Variants in ABCD2 observed in about 807,000 individuals in gnomAD.
ABCD2 encodes the protein ATP binding cassette subfamily D member 2, also known as ATP-binding cassette sub-family D member 2.
In ABCD2, 36 loss-of-function variants were observed where a neutral mutation model predicts 70.9. The observed-to-expected ratio is 0.51, with a 90% CI of 0.39 to 0.67. The LOEUF is 0.67. Among genes scored for constraint, ABCD2 ranks in the 30% least tolerant of loss-of-function variants. ABCD2 has a pLI of 0.00. For synonymous variants in ABCD2, 304 were observed against 306.9 expected (o/e 0.99, Z 0.10); for missense variants, 729 against 890.2 (o/e 0.82, Z 2.30).
intron 2 of ABCD2, among the ~76,000 whole-genome samples, chr12:39,613,109 G>A (rs1338530801): frequency 2.3e-5 from 2 of 87,698 alleles, no homozygotes; most frequent in African/African-American, 1.7e-4. Flanking sequence ...GTTGTGGGCC[G>A]GGCGCGGTGG....
intron 6 of ABCD2, among the ~76,000 whole-genome samples, chr12:39,593,403 C>T (rs1941772478): frequency 6.6e-6 from 1 of 152,116 alleles, no homozygotes; most frequent in Non-Finnish European, 1.5e-5. Flanking sequence ...CAGGCAAGTA[C>T]CACCATATCC....
At chr12:39,565,180 C>T (rs1941325576) in intron 9 of ABCD2, among the ~76,000 whole-genome samples, 1 of 152,094 alleles carries the variant, frequency 6.6e-6, no homozygotes, top group Non-Finnish European at 1.5e-5. Flanking sequence ...TCATTGGTAG[C>T]TTGATGGGGA....
rs144377791 is a variant in ABCD2 at position 39,609,548 on chromosome 12, GGTT to G, written c.1121-1837_1121-1835del. Among the ~76,000 whole-genome samples, 1,063 of 152,146 alleles carry G rather than the reference GGTT, an allele frequency of 7.0e-3. 14 individuals carry two copies. Among genetic ancestry groups the G allele is most frequent in the African/African-American group, 0.024 (1,006 of 41,494 alleles). ...TTAGTATTCAAAATTACATTCTCCA[GGTT>G]GTTACTTTAATCTTTTCATCAATTT... On this transcript the variant is annotated intron_variant, in intron 2 of 9. Transcript: ENST00000308666.
rs1031561440 is a variant in ABCD2, at chr12:39,553,724, C to T, written c.*188G>A. The T allele has an allele frequency of 1.2e-5, 7 of 572,648 alleles. No individual in the cohort carries two copies. The African/African-American group carries it at 1.3e-4, about 11-fold the overall frequency. 35.5% of individuals were successfully genotyped at this position (572,648 alleles called of 1,614,324 possible). ...ATTAGTATAAGTCATAATGACTGAC[C>T]TTACATAATGCATTTGTTTATTTTC... On this transcript the variant is annotated 3_prime_UTR_variant, in exon 10 of 10. Coordinates refer to ENST00000308666, the MANE Select transcript of ABCD2 (RefSeq NM_005164.4).
intron 9 of ABCD2, among the ~76,000 whole-genome samples, chr12:39,565,593 C>T: frequency 6.6e-6 from 1 of 152,170 alleles, no homozygotes; most frequent in Non-Finnish European, 1.5e-5. Context: ...AACTTGACTT[C>T]CTCTTTTCCT....
In ABCD2 at chr12:39,619,360, T is replaced by A; in HGVS notation, c.256A>T (p.Lys86Ter). 6.2e-7 allele frequency: 1 copy of A among 1,614,106 alleles called. No homozygotes were observed. Among genetic ancestry groups the A allele is most frequent in the Non-Finnish European group, 8.5e-7 (1 of 1,180,034 alleles). The change falls in exon 1 of 10, where the codon AAA becomes TAA. Residue 86 changes from lysine to a stop codon, truncating the protein, a stop_gained. Transcript: ENST00000308666. LOFTEE classifies it high-confidence loss of function. The part of the protein sequence containing the change: ...PSPGVNADFF[K>*]QLLELRKILF... Reference sequence around the variant, plus strand: ...ATTTTCCGAAGTTCTAGTAGCTGTTTGAAGAAATCTGCATTCACTCCAGGC... The same window carrying A: ...ATTTTCCGAAGTTCTAGTAGCTGTTAGAAGAAATCTGCATTCACTCCAGGC...
At chr12:39,579,641 A>G (rs1566554687) in intron 7 of ABCD2, 22 bp from the exon 8 acceptor site, 6 of 1,543,102 alleles carry the variant, frequency 3.9e-6, no homozygotes. Context: ...AAAAAAATAT[A>G]CATTTTTATA....
At chr12:39,600,080 G>T (rs1167553419) in intron 6 of ABCD2, among the ~76,000 whole-genome samples, 1 of 152,094 alleles carries the variant, frequency 6.6e-6, no homozygotes, top group African/African-American at 2.4e-5. Flanking sequence ...CATTCTTACA[G>T]TAAAAAAATT....
chr12:39,545,451 A>G (rs1363626098), downstream of ABCD2, among the ~76,000 whole-genome samples: 1 of 152,146 alleles, frequency 6.6e-6, no homozygotes, highest in East Asian at 1.9e-4. Context: ...TCTCCATTTT[A>G]AAAATGAGAA....
At chr12:39,571,476 A>G (rs190154257) in intron 9 of ABCD2, among the ~76,000 whole-genome samples, 84 of 152,312 alleles carry the variant, frequency 5.5e-4, no homozygotes, top group African/African-American at 1.9e-3. Context: ...ACAGAAAGAC[A>G]AATACCACAT....
intron 1 of ABCD2, 32 bp downstream of exon 1, chr12:39,618,645 C>T (rs758391658): frequency 6.3e-7 from 1 of 1,576,708 alleles, no homozygotes; most frequent in Non-Finnish European, 8.6e-7. Flanking sequence ...AACAGTTTCA[C>T]ATTTCACCCA....
the ABCD2 span, among the ~76,000 whole-genome samples, chr12:39,543,094 A>G: frequency 6.6e-6 from 1 of 152,168 alleles, no homozygotes; most frequent in Admixed American, 6.5e-5. Context: ...ACATGATTGG[A>G]ATTTTGCCAG....
At chr12:39,615,128 T>A (rs1942098366) in intron 2 of ABCD2, among the ~76,000 whole-genome samples, 2 of 152,032 alleles carry the variant, frequency 1.3e-5, no homozygotes. Context: ...TGTTTACTTC[T>A]TACTGGTCTC....
chr12:39,608,407 C>T (rs1180996943), intron 2 of ABCD2, among the ~76,000 whole-genome samples: 1 of 152,132 alleles, frequency 6.6e-6, no homozygotes, highest in Non-Finnish European at 1.5e-5. Context: ...TACTGGGCGG[C>T]CAGGTGCGGT....
chr12:39,611,679 C>T (rs941467300), intron 2 of ABCD2, among the ~76,000 whole-genome samples: 1 of 151,960 alleles, frequency 6.6e-6, no homozygotes, highest in Non-Finnish European at 1.5e-5. Flanking sequence ...AAACCACTAA[C>T]CATAAAGAAA....
intron 6 of ABCD2, among the ~76,000 whole-genome samples, chr12:39,598,832 C>T (rs1941856923): frequency 6.6e-6 from 1 of 152,086 alleles, no homozygotes; most frequent in Non-Finnish European, 1.5e-5. Flanking sequence ...GAAAAAATAG[C>T]TTTTGGAATG....
Position 39,573,790 on chromosome 12 carries a change from GACATCAA to G in ABCD2, c.1922_1928del (p.Ile641ThrfsTer19). ...TTGCAGCCTGAAATATCTTTCCTTC[GACATCAA>G]TGCTGACAGCACTGGTACATTCATC... On this transcript the variant is annotated frameshift_variant, in exon 9 of 10. Transcript: ENST00000308666. LOFTEE classifies it high-confidence loss of function. 1.2e-6 allele frequency: 2 copies of G among 1,613,176 alleles called. No individual in the cohort carries two copies. Among genetic ancestry groups the G allele is most frequent in the Admixed American group, 3.3e-5 (2 of 59,996 alleles).
chr12:39,559,775 C>A (rs1318484716), intron 9 of ABCD2, among the ~76,000 whole-genome samples: 3 of 152,128 alleles, frequency 2.0e-5, no homozygotes, highest in Admixed American at 1.3e-4. Flanking sequence ...CTGTTCTTAG[C>A]AAAATTGTCC....
chr12:39,601,537 A>C (rs1437422183), intron 5 of ABCD2, among the ~76,000 whole-genome samples: 1 of 152,058 alleles, frequency 6.6e-6, no homozygotes, highest in Non-Finnish European at 1.5e-5. Flanking sequence ...AAGTTGTCTT[A>C]TTATGGTATT....
Sources: gnomAD v4.1 joint callset for allele counts (sites outside exome capture counted in the v4.1 genomes callset) on GRCh38, gnomAD v4.1.1 for gene constraint, MANE v1.5 for transcripts, NCBI Gene and HGNC (gene_info 2026-07-23, HGNC 2026-07-21) for gene names.